ICA1L: variants seen among roughly 807,000 people sequenced by gnomAD.
The protein encoded by ICA1L is islet cell autoantigen 1 like.
Under a neutral mutation model 61.3 loss-of-function variants are expected in ICA1L, and 50 were observed. The observed-to-expected ratio is 0.82, with a 90% confidence interval of 0.65 to 1.03. The LOEUF (loss-of-function observed/expected upper bound fraction) is 1.03, where lower values mean the gene tolerates loss of function less well. ICA1L is among the 50% of genes least tolerant of loss of function. ICA1L has a pLI of 0.00. For synonymous variants in ICA1L, 161 were observed against 191.3 expected (o/e 0.84, Z 1.31); for missense variants, 508 against 556.7 (o/e 0.91, Z 0.88).
At chr2:202,843,245 TTG>T (rs1694377091) in intron 1 of ICA1L, among the ~76,000 whole-genome samples, 1 of 152,202 alleles carries the variant, frequency 6.6e-6, no homozygotes, top group African/African-American at 2.4e-5. Context: ...CAGTTACCTT[TTG>T]TAGACTTTAT....
chr2:202,846,756 T>C (rs533663300), intron 1 of ICA1L, among the ~76,000 whole-genome samples: 2 of 152,316 alleles, frequency 1.3e-5, no homozygotes, highest in African/African-American at 4.8e-5. Flanking sequence ...CATTCATTCA[T>C]TGTTAAATAT....
chr2:202,809,348 A>G (rs1693310884), intron 9 of ICA1L, among the ~76,000 whole-genome samples: 1 of 151,800 alleles, frequency 6.6e-6, no homozygotes, highest in Non-Finnish European at 1.5e-5. Flanking sequence ...CAGTCAGAGG[A>G]GACAAAAGAA....
intron 10 of ICA1L, 101 bp from the exon 11 acceptor site, chr2:202,789,188 T>C (rs2105821964): frequency 1.0e-6 from 1 of 954,596 alleles, no homozygotes; most frequent in Non-Finnish European, 1.6e-6. Context: ...TCATACTGTA[T>C]TAACATAATT....
At chr2:202,829,393 A>C (rs568106800) in intron 1 of ICA1L, among the ~76,000 whole-genome samples, 7 of 152,172 alleles carry the variant, frequency 4.6e-5, no homozygotes, top group Admixed American at 6.5e-5. Flanking sequence ...ACCAAAAAAA[A>C]CTCAATAAAT....
At chr2:202,795,073 C>CTTT (rs59752090) in intron 10 of ICA1L, among the ~76,000 whole-genome samples, 225 of 96,734 alleles carry the variant, frequency 2.3e-3, no homozygotes, top group East Asian at 3.1e-3. Context: ...GTTTCCTTTT[C>CTTT]TTTTTTTTTT....
intron 11 of ICA1L, 101 bp from the exon 12 acceptor site, chr2:202,786,108 A>G: frequency 1.5e-6 from 1 of 684,494 alleles, no homozygotes. Context: ...CAGTCTTTGT[A>G]TCTGGGTAAG....
At chr2:202,814,281 A>T (rs1693468267) in intron 8 of ICA1L, among the ~76,000 whole-genome samples, 1 of 152,088 alleles carries the variant, frequency 6.6e-6, no homozygotes, top group Admixed American at 6.5e-5. Context: ...TTTTCATGGT[A>T]ATGAGTGAGT....
chr2:202,813,980 C>CT (rs1256746645), intron 8 of ICA1L, among the ~76,000 whole-genome samples: 1 of 152,180 alleles, frequency 6.6e-6, no homozygotes, highest in Admixed American at 6.5e-5. Flanking sequence ...ATACAAGGCT[C>CT]TATCCCAAAT....
At chr2:202,856,914 C>T (rs1313886331) in intron 1 of ICA1L, among the ~76,000 whole-genome samples, 1 of 152,104 alleles carries the variant, frequency 6.6e-6, no homozygotes, top group Non-Finnish European at 1.5e-5. Context: ...CCTAGGAATA[C>T]AAGTTACAAG....
intron 9 of ICA1L, among the ~76,000 whole-genome samples, chr2:202,799,469 A>G (rs1262832089): frequency 6.6e-6 from 1 of 151,798 alleles, no homozygotes; most frequent in Non-Finnish European, 1.5e-5. Context: ...TTTAATGTTT[A>G]TTTTTCTTGT....
rs1692109212 is a variant in ICA1L, at chr2:202,773,231, CTA to C, written c.*6300_*6301del. 6.6e-6 allele frequency: 1 copy of C among 152,140 alleles called. No homozygotes were observed. The highest frequency in any genetic ancestry group is 6.5e-5 in the Admixed American group (1 of 15,282). The allele number at this position is 152,140 out of a possible 1,614,324, so 9.4% of individuals were successfully genotyped here. On this transcript the variant is annotated 3_prime_UTR_variant, in exon 13 of 13. Transcript: ENST00000358299. ...AAAGAAATGAAGGTAATTTTACAAACTAAATTTTTGTAAGTACATGAAATTTC... is the reference window on the plus strand; with the variant it reads ...AAAGAAATGAAGGTAATTTTACAAACAATTTTTGTAAGTACATGAAATTTC...
At chr2:202,864,670 A>T (rs1308200618) in intron 1 of ICA1L, among the ~76,000 whole-genome samples, 1 of 145,352 alleles carries the variant, frequency 6.9e-6, no homozygotes, top group Non-Finnish European at 1.6e-5. Flanking sequence ...TGGATAAAAC[A>T]TGACTAACTA....
chr2:202,830,685 T>C (rs1160372483), intron 1 of ICA1L, among the ~76,000 whole-genome samples: 1 of 152,222 alleles, frequency 6.6e-6, no homozygotes, highest in Non-Finnish European at 1.5e-5. Flanking sequence ...AGGTTCACTT[T>C]CTTTTAATTT....
At chr2:202,825,186 G>A (rs946892608) in intron 3 of ICA1L, among the ~76,000 whole-genome samples, 1 of 152,162 alleles carries the variant, frequency 6.6e-6, no homozygotes, top group Admixed American at 6.6e-5. Context: ...ATGCTGCGCA[G>A]GCCCAGGCAT....
At chr2:202,805,390 T>C (rs1057163833) in intron 9 of ICA1L, among the ~76,000 whole-genome samples, 1 of 152,154 alleles carries the variant, frequency 6.6e-6, no homozygotes, top group African/African-American at 2.4e-5. Context: ...AAAGAAAACT[T>C]GTAAGATATA....
chr2:202,802,547 C>G (rs989582192), intron 9 of ICA1L, among the ~76,000 whole-genome samples: 2 of 151,882 alleles, frequency 1.3e-5, no homozygotes, highest in Non-Finnish European at 2.9e-5. Flanking sequence ...TTTAGACACA[C>G]TGTACTGAAA....
chr2:202,835,246 T>C (rs1694117474), intron 1 of ICA1L, among the ~76,000 whole-genome samples: 1 of 142,636 alleles, frequency 7.0e-6, no homozygotes, highest in Non-Finnish European at 1.5e-5. Flanking sequence ...TTTGACAGAG[T>C]CTTGCTCTGT....
At chr2:202,868,193 T>G (rs562052622) in intron 1 of ICA1L, among the ~76,000 whole-genome samples, 1 of 152,250 alleles carries the variant, frequency 6.6e-6, no homozygotes, top group East Asian at 1.9e-4. Context: ...AAAGGCTAAT[T>G]GTATATTATC....
chr2:202,783,905 G>T (rs912995124), intron 12 of ICA1L, among the ~76,000 whole-genome samples: 1 of 151,590 alleles, frequency 6.6e-6, no homozygotes, highest in Admixed American at 6.6e-5. Flanking sequence ...TGTATATGAT[G>T]GGGGGGTGGG....
Sources: allele counts gnomAD v4.1 joint callset (sites outside exome capture counted in the v4.1 genomes callset), GRCh38; gene constraint gnomAD v4.1.1; transcripts MANE v1.5; gene names NCBI Gene and HGNC (gene_info 2026-07-23, HGNC 2026-07-21).